Variants in GRM7 observed in about 807,000 individuals in gnomAD.
GRM7 encodes the protein metabotropic glutamate receptor 7.
In GRM7, 35 loss-of-function variants were observed where a neutral mutation model predicts 84.5. That is an observed-to-expected ratio of 0.41 (90% confidence interval 0.32 to 0.55). The LOEUF is 0.55. Among genes scored for constraint, GRM7 ranks in the 20% least tolerant of loss-of-function variants. GRM7 has a pLI of 0.19. For missense variants in GRM7, 1,003 were observed against 1,194.6 expected (o/e 0.84, Z 2.36); for synonymous variants, 487 against 455.1 (o/e 1.07, Z -0.89).
At chr3:7,625,706 A>T (rs376720889) in intron 8 of GRM7, among the ~76,000 whole-genome samples, 18 of 152,172 alleles carry the variant, frequency 1.2e-4, no homozygotes, top group Non-Finnish European at 1.0e-4. Flanking sequence ...GGGACAGAAG[A>T]ATATTCCCTG....
At chr3:7,257,116 A>C (rs1467620006) in intron 2 of GRM7, among the ~76,000 whole-genome samples, 1 of 151,964 alleles carries the variant, frequency 6.6e-6, no homozygotes, top group African/African-American at 2.4e-5. Context: ...GTTAATCCTC[A>C]GATTCTCCCT....
intron 2 of GRM7, among the ~76,000 whole-genome samples, chr3:7,176,972 ACAATCAGTGC>A (rs1285123246): frequency 1.3e-5 from 2 of 152,232 alleles, no homozygotes; most frequent in Non-Finnish European, 2.9e-5. Flanking sequence ...TACAAGTAGT[ACAATCAGTGC>A]CATTCAGTAC....
At chr3:7,122,151 A>G (rs962823587) in intron 1 of GRM7, among the ~76,000 whole-genome samples, 4 of 152,184 alleles carry the variant, frequency 2.6e-5, no homozygotes, top group Non-Finnish European at 5.9e-5. Context: ...ATAGACTAAG[A>G]CAGTGACCAA....
At chr3:6,884,613 T>G (rs1484072155) in intron 1 of GRM7, among the ~76,000 whole-genome samples, 1 of 152,166 alleles carries the variant, frequency 6.6e-6, no homozygotes, top group Non-Finnish European at 1.5e-5. Context: ...TTTATTTTTT[T>G]TTCTGAGACA....
At chr3:7,014,625 A>G (rs1181004751) in intron 1 of GRM7, among the ~76,000 whole-genome samples, 1 of 152,164 alleles carries the variant, frequency 6.6e-6, no homozygotes, top group African/African-American at 2.4e-5. Flanking sequence ...CATAATTAGC[A>G]TATTTTGAAA....
intron 1 of GRM7, among the ~76,000 whole-genome samples, chr3:7,040,491 G>A (rs1232866687): frequency 6.6e-6 from 1 of 151,908 alleles, no homozygotes; most frequent in African/African-American, 2.4e-5. Context: ...TTTTAGTAGA[G>A]ACAGGGTTTC....
intron 7 of GRM7, among the ~76,000 whole-genome samples, chr3:7,569,367 T>C (rs891837959): frequency 2.6e-5 from 4 of 152,076 alleles, no homozygotes; most frequent in Non-Finnish European, 4.4e-5. Context: ...GGAGAACCTT[T>C]GTGTCCACAC....
At chr3:7,730,871 A>G (rs1702304592) in intron 9 of GRM7, among the ~76,000 whole-genome samples, 1 of 152,218 alleles carries the variant, frequency 6.6e-6, no homozygotes, top group Admixed American at 6.5e-5. Context: ...GCATAAGAAA[A>G]AGTAGAAATC....
intron 7 of GRM7, among the ~76,000 whole-genome samples, chr3:7,472,103 T>C (rs1303742425): frequency 2.0e-5 from 3 of 152,182 alleles, no homozygotes; most frequent in African/African-American, 7.2e-5. Context: ...CCCTCCCCTC[T>C]CCTTCTCTCT....
At chr3:7,024,906 G>A (rs1302339721) in intron 1 of GRM7, among the ~76,000 whole-genome samples, 3 of 152,170 alleles carry the variant, frequency 2.0e-5, no homozygotes, top group Non-Finnish European at 4.4e-5. Context: ...GGCTTAAAAC[G>A]ATGTAAATGT....
chr3:7,132,732 G>T (rs1427651891), intron 1 of GRM7, among the ~76,000 whole-genome samples: 1 of 152,146 alleles, frequency 6.6e-6, no homozygotes, highest in African/African-American at 2.4e-5. Context: ...CTACATCTGT[G>T]GTCTTTTACA....
At chr3:6,979,493 C>A (rs985164359) in intron 1 of GRM7, among the ~76,000 whole-genome samples, 2 of 152,054 alleles carry the variant, frequency 1.3e-5, no homozygotes, top group Admixed American at 6.6e-5. Flanking sequence ...TAGTAATGCA[C>A]GTAGATTTAT....
Position 7,452,759 on chromosome 3 carries a change from G to C in GRM7, c.1327G>C (p.Ala443Pro). Reference protein sequence around the residue: ...YRGVCPEMEQAGGKKLLKYIR... With the variant: ...YRGVCPEMEQPGGKKLLKYIR... The stretch of plus-strand genomic sequence containing the variant: ...GGGTGTCTGCCCAGAGATGGAGCAA[G>C]CTGGAGGCAAGAAGTTGCTGAAGTA... The change falls in exon 6 of 10, where the codon GCT (alanine) becomes CCT (proline). Residue 443 changes from alanine to proline, a missense_variant. Ala to Pro is a conservative substitution (Grantham distance 27). This residue lies in a region of GRM7 where 910 missense variants were observed against 1,126.0 expected (regional missense o/e 0.81). Transcript: ENST00000357716. The C allele has an allele frequency of 6.2e-7, 1 of 1,613,534 alleles. No homozygotes were observed. Among genetic ancestry groups the C allele is most frequent in the Non-Finnish European group, 8.5e-7 (1 of 1,179,660 alleles).
chr3:7,305,607 T>TACAA (rs1485827579), intron 3 of GRM7, among the ~76,000 whole-genome samples: 6 of 45,880 alleles, frequency 1.3e-4, no homozygotes, highest in Non-Finnish European at 2.7e-4. Flanking sequence ...GTTTGGTTTT[T>TACAA]TGTTCTTGCG....
intron 1 of GRM7, among the ~76,000 whole-genome samples, chr3:7,133,129 G>A (rs925511336): frequency 2.0e-5 from 3 of 152,160 alleles, no homozygotes; most frequent in South Asian, 2.1e-4. Context: ...ACTGAGACAC[G>A]AGATGATTGA....
At chr3:7,367,959 A>C (rs1693974058) in intron 4 of GRM7, among the ~76,000 whole-genome samples, 1 of 64,554 alleles carries the variant, frequency 1.5e-5, no homozygotes, top group South Asian at 7.6e-4. Context: ...AAAAAGAAAA[A>C]ATCAACAACA....
chr3:6,890,373 C>T (rs1426607498), intron 1 of GRM7, among the ~76,000 whole-genome samples: 1 of 152,036 alleles, frequency 6.6e-6, no homozygotes, highest in East Asian at 1.9e-4. Flanking sequence ...GCATTTAATG[C>T]TATAAATTTC....
chr3:7,531,126 G>T (rs553662924), intron 7 of GRM7, among the ~76,000 whole-genome samples: 1 of 152,082 alleles, frequency 6.6e-6, no homozygotes, highest in Admixed American at 6.6e-5. Context: ...TTTGTATAAG[G>T]TGTAAGGAAG....
chr3:7,577,539 C>T (rs1344294734), intron 7 of GRM7, among the ~76,000 whole-genome samples: 1 of 152,192 alleles, frequency 6.6e-6, no homozygotes, highest in African/African-American at 2.4e-5. Context: ...GATGCCTACT[C>T]TAAGGAGATT....
Sources: allele counts gnomAD v4.1 joint callset (sites outside exome capture counted in the v4.1 genomes callset), GRCh38; gene constraint gnomAD v4.1.1; regional missense constraint gnomAD v4.1.1; transcripts MANE v1.5; gene names NCBI Gene and HGNC (gene_info 2026-07-23, HGNC 2026-07-21).